Variants in NCAM2 observed in about 807,000 individuals in gnomAD.
The protein encoded by NCAM2 is neural cell adhesion molecule 2, also known as N-CAM-2.
Under a neutral mutation model 98.1 loss-of-function variants are expected in NCAM2, and 30 were observed. That is an observed-to-expected ratio of 0.31 (90% CI 0.23 to 0.41). The LOEUF is 0.41. NCAM2 is among the 10% of genes least tolerant of loss of function. The probability of loss-of-function intolerance (pLI) is 1.00; values close to 1 mark genes in which losing one functional copy is unlikely to be tolerated. For missense variants in NCAM2, 867 were observed against 1,005.8 expected (o/e 0.86, Z 1.87); for synonymous variants, 368 against 342.4 (o/e 1.07, Z -0.83).
intron 1 of NCAM2, among the ~76,000 whole-genome samples, chr21:21,167,856 A>G (rs1002699035): frequency 6.6e-6 from 1 of 152,276 alleles, no homozygotes; most frequent in African/African-American, 2.4e-5. Flanking sequence ...ATATAAGTTC[A>G]TGGGTGAATT....
intron 1 of NCAM2, among the ~76,000 whole-genome samples, chr21:21,077,146 A>G (rs1055697110): frequency 1.3e-5 from 2 of 152,178 alleles, no homozygotes; most frequent in African/African-American, 4.8e-5. Context: ...CCTGTTTCCA[A>G]GAAAACTTTA....
intron 15 of NCAM2, among the ~76,000 whole-genome samples, chr21:21,487,412 G>A (rs1986482631): frequency 6.6e-6 from 1 of 151,860 alleles, no homozygotes; most frequent in South Asian, 2.1e-4. Context: ...ATACAATGGA[G>A]TTTTACATAA....
intron 1 of NCAM2, among the ~76,000 whole-genome samples, chr21:21,187,465 A>C (rs975494635): frequency 1.9e-4 from 29 of 152,076 alleles, no homozygotes; most frequent in African/African-American, 4.1e-4. Flanking sequence ...ACAACAACAA[A>C]AAAGGGAAAT....
intron 1 of NCAM2, among the ~76,000 whole-genome samples, chr21:21,025,003 C>T (rs1024777811): frequency 1.3e-5 from 2 of 152,010 alleles, no homozygotes; most frequent in Admixed American, 1.3e-4. Flanking sequence ...TTTGAATGTG[C>T]TAGATTATTG....
At chr21:21,115,957 T>TTGTGTGTGTGTGTGTG (rs58824475) in intron 1 of NCAM2, among the ~76,000 whole-genome samples, 47 of 147,280 alleles carry the variant, frequency 3.2e-4, no homozygotes, top group African/African-American at 1.1e-3. Context: ...CTCTGAGATT[T>TTGTGTGTGTGTGTGTG]TGTGTGTGTG....
chr21:21,206,741 G>T lies in NCAM2; in HGVS notation c.56-73837G>T, dbSNP rs111694197. Among the ~76,000 whole-genome samples, 153 of 152,096 alleles carry T rather than the reference G, an allele frequency of 1.0e-3. 1 individual carries two copies. The highest frequency in any genetic ancestry group is 3.6e-3 in the African/African-American group (150 of 41,500). ...CTTAAATTTGTACCTTAGTTCTTTGGTATAGAAATTGGAGAAAATGTAACT... is the reference window on the plus strand; with the variant it reads ...CTTAAATTTGTACCTTAGTTCTTTGTTATAGAAATTGGAGAAAATGTAACT... On this transcript the variant is annotated intron_variant, in intron 1 of 17. Coordinates refer to ENST00000400546, the MANE Select transcript of NCAM2 (RefSeq NM_004540.5).
chr21:21,496,600 G>A (rs1214858351), intron 15 of NCAM2, among the ~76,000 whole-genome samples: 2 of 152,054 alleles, frequency 1.3e-5, no homozygotes, highest in African/African-American at 4.8e-5. Context: ...TTGCTATACA[G>A]AAGCTCTTTA....
chr21:21,488,001 A>G (rs892812934), intron 15 of NCAM2, among the ~76,000 whole-genome samples: 1 of 152,146 alleles, frequency 6.6e-6, no homozygotes, highest in Non-Finnish European at 1.5e-5. Context: ...AAATGCACAT[A>G]TATGCCTTCA....
chr21:21,239,974 CCT>C (rs2071000017), intron 1 of NCAM2, among the ~76,000 whole-genome samples: 1 of 152,034 alleles, frequency 6.6e-6, no homozygotes, highest in Non-Finnish European at 1.5e-5. Context: ...TCTCTCTCCC[CCT>C]CTCTTTGTCT....
chr21:21,151,689 T>C (rs2067453348), intron 1 of NCAM2, among the ~76,000 whole-genome samples: 1 of 152,054 alleles, frequency 6.6e-6, no homozygotes, highest in Admixed American at 6.6e-5. Flanking sequence ...CTAATCATGT[T>C]GTAATAAACT....
chr21:21,315,193 A>T (rs1476311182), intron 5 of NCAM2, among the ~76,000 whole-genome samples: 2 of 152,112 alleles, frequency 1.3e-5, no homozygotes, highest in Admixed American at 6.6e-5. Flanking sequence ...TCTGTCCTGC[A>T]TGTGTACCAA....
intron 5 of NCAM2, among the ~76,000 whole-genome samples, chr21:21,316,361 G>T (rs2074218616): frequency 6.6e-6 from 1 of 151,890 alleles, no homozygotes; most frequent in African/African-American, 2.4e-5. Flanking sequence ...TTGGTGTGCT[G>T]CACCCATTAA....
At chr21:21,479,718 T>C (rs1985652109) in intron 15 of NCAM2, among the ~76,000 whole-genome samples, 1 of 150,710 alleles carries the variant, frequency 6.6e-6, no homozygotes, top group African/African-American at 2.4e-5. Flanking sequence ...CTGTAATTCA[T>C]TTCCTCTCTC....
At chr21:21,245,295 C>T (rs948408082) in intron 1 of NCAM2, among the ~76,000 whole-genome samples, 1 of 152,176 alleles carries the variant, frequency 6.6e-6, no homozygotes, top group Non-Finnish European at 1.5e-5. Flanking sequence ...TAATGGCTAA[C>T]TCCCTTGTAA....
intron 8 of NCAM2, among the ~76,000 whole-genome samples, chr21:21,353,814 C>T (rs535482467): frequency 6.6e-6 from 1 of 152,074 alleles, no homozygotes; most frequent in South Asian, 2.1e-4. Flanking sequence ...TAAGAAGTAC[C>T]TAAATAGGGC....
At chr21:21,268,043 T>A (rs918925678) in intron 1 of NCAM2, among the ~76,000 whole-genome samples, 1 of 152,118 alleles carries the variant, frequency 6.6e-6, no homozygotes, top group Non-Finnish European at 1.5e-5. Context: ...GGCTGCAGCA[T>A]TTTTGGCTCT....
chr21:21,483,988 A>T (rs1270163201), intron 15 of NCAM2, among the ~76,000 whole-genome samples: 2 of 152,142 alleles, frequency 1.3e-5, no homozygotes, highest in East Asian at 3.8e-4. Flanking sequence ...CTAAGAAATT[A>T]CGGTAGAAAA....
intron 1 of NCAM2, among the ~76,000 whole-genome samples, chr21:21,088,293 G>A (rs890662460): frequency 6.6e-6 from 1 of 152,072 alleles, no homozygotes; most frequent in Non-Finnish European, 1.5e-5. Flanking sequence ...CAGATATTAG[G>A]TTATGCCATA....
intron 8 of NCAM2, among the ~76,000 whole-genome samples, chr21:21,355,458 A>T (rs368343897): frequency 2.6e-4 from 30 of 114,184 alleles, no homozygotes; most frequent in African/African-American, 1.0e-3. Flanking sequence ...ACAGACTGAG[A>T]CTATGTCTCA....
Sources: allele counts gnomAD v4.1 joint callset (sites outside exome capture counted in the v4.1 genomes callset), GRCh38; gene constraint gnomAD v4.1.1; transcripts MANE v1.5; gene names NCBI Gene and HGNC (gene_info 2026-07-23, HGNC 2026-07-21).